WDR75: variants seen among roughly 807,000 people sequenced by gnomAD.
WDR75 encodes the protein WD repeat domain 75, also known as WD repeat-containing protein 75.
In WDR75, 52 loss-of-function variants were observed where a neutral mutation model predicts 106.1. The observed-to-expected ratio is 0.49, with a 90% CI of 0.39 to 0.62. WDR75 has a LOEUF of 0.62. Among genes scored for constraint, WDR75 ranks in the 20% least tolerant of loss-of-function variants. The pLI is 0.00. For synonymous variants in WDR75, 333 were observed against 335.5 expected (o/e 0.99, Z 0.08); for missense variants, 905 against 970.3 (o/e 0.93, Z 0.89).
chr2:189,462,819 A>G (rs1686924935), intron 9 of WDR75, among the ~76,000 whole-genome samples, 177 bp downstream of exon 9: 1 of 152,180 alleles, frequency 6.6e-6, no homozygotes, highest in Non-Finnish European at 1.5e-5. Flanking sequence ...AGGCACCACC[A>G]GAATTCAACA....
chr2:189,462,631 A>T lies in WDR75; in HGVS notation c.926A>T (p.His309Leu). 1 of 1,613,566 alleles carries T rather than the reference A, an allele frequency of 6.2e-7. No homozygotes were observed. The highest frequency in any genetic ancestry group is 8.5e-7 in the Non-Finnish European group (1 of 1,179,766). Residue 309 changes from histidine (H) to leucine (L), a missense_variant, in exon 9 of 21, where the codon CAC becomes CTC. By Grantham distance (99) the His-to-Leu change is moderately conservative (BLOSUM62 -3). Coordinates refer to ENST00000314761, the MANE Select transcript of WDR75 (RefSeq NM_032168.3). ...SPAGDLFCTSHSDNKIIIIHR... is the reference protein window; with the variant it reads ...SPAGDLFCTSLSDNKIIIIHR... Reference sequence around the variant, plus strand: ...GCAGGAGATTTATTCTGCACTTCTCACTCTGATAATAGTAAGTCTAAATTT... The same window carrying T: ...GCAGGAGATTTATTCTGCACTTCTCTCTCTGATAATAGTAAGTCTAAATTT...
In WDR75 at chr2:189,474,624, A is replaced by G. The variant is rs950926572; in HGVS notation, c.2197-93A>G. ...TTTTCATGTTTCACTCTTGGCATTT[A>G]CAATAAAAGGGACTCCGTGAGGACA... On this transcript the variant is annotated intron_variant, in intron 19 of 20. Coordinates refer to ENST00000314761, the MANE Select transcript of WDR75 (RefSeq NM_032168.3). 1.3e-5 allele frequency: 14 copies of G among 1,116,238 alleles called. No individual in the cohort carries two copies. In the Admixed American group the frequency reaches 2.5e-4, roughly 20 times the overall value. The allele number at this position is 1,116,238 out of a possible 1,614,324, so 69.1% of individuals were successfully genotyped here. A position where few individuals can be genotyped will look rare whatever the true frequency, so the allele number is the denominator to read the frequency against.
At chr2:189,445,410 C>T (rs1405702479) in intron 1 of WDR75, among the ~76,000 whole-genome samples, 3 of 151,996 alleles carry the variant, frequency 2.0e-5, no homozygotes, top group African/African-American at 4.8e-5. Flanking sequence ...AGCCCACCGT[C>T]GTGTAGAAGC....
intron 11 of WDR75, 191 bp downstream of exon 11, chr2:189,464,152 G>A: frequency 1.7e-6 from 1 of 587,238 alleles, no homozygotes; most frequent in South Asian, 2.2e-5. Flanking sequence ...CAGGTTACAT[G>A]TAAGCCAGTT....
intron 2 of WDR75, chr2:189,449,810 A>G (rs1365614691): frequency 5.1e-6 from 5 of 984,180 alleles, no homozygotes; most frequent in East Asian, 2.3e-4. Context: ...GATAGATAAT[A>G]TGGTTTTACT....
rs763603839 is a variant in WDR75, at chr2:189,474,731, A to G, written c.2211A>G (p.Pro737=). The change falls in exon 20 of 21, where the codon CCA becomes CCG. Residue 737 remains proline, a synonymous_variant. Transcript: ENST00000314761. ...TTTGACTCCAGCTTCTTCACACTCC[A>G]GCCCATGTCCTGCCATCTGCTGCTT... ...IPAISELLHT[P]AHVLPSAAFL... is the part of the protein sequence containing the mutation. 3.1e-6 allele frequency: 5 copies of G among 1,614,060 alleles called. No individual in the cohort carries two copies. The South Asian group carries it at 5.5e-5, about 18-fold the overall frequency.
Position 189,462,485 on chromosome 2 carries a change from C to A in WDR75, c.780C>A (p.Gly260=). Residue 260 remains glycine (G), a splice_region_variant and synonymous_variant, in exon 9 of 21, where the codon GGC becomes GGA. Transcript: ENST00000314761. The stretch of plus-strand genomic sequence containing the variant: ...TAATTTCCTTGAATGGATATGAAGG[C>A]ACCAGTCTGCTGAGTGGCGGTCGTG... ...MVMDLAFSVT[G]TSLLSGGRES... The A allele has an allele frequency of 6.2e-7, 1 of 1,613,534 alleles. No homozygotes were observed. Among genetic ancestry groups the A allele is most frequent in the Admixed American group, 1.7e-5 (1 of 59,962 alleles).
At position 189,449,630 on chromosome 2, in the gene WDR75, A is replaced by G. The variant is rs541513687; in HGVS notation, c.216+1122A>G. 2.7e-4 allele frequency: 277 copies of G among 1,036,598 alleles called. No individual in the cohort carries two copies. In the African/African-American group the frequency reaches 4.5e-3, roughly 17 times the overall value. The allele number at this position is 1,036,598 out of a possible 1,614,324, so 64.2% of individuals were successfully genotyped here. A position where few individuals can be genotyped will look rare whatever the true frequency, so the allele number is the denominator to read the frequency against. On this transcript the variant is annotated intron_variant, in intron 2 of 20. Coordinates refer to ENST00000314761, the MANE Select transcript of WDR75 (RefSeq NM_032168.3). ...AGGGCAGTTTTATCAGATTTGGTTG[A>G]GGTGCAGGGGCAGCAGTTCTGGACT... is the stretch of plus-strand genomic sequence containing the variant.
At chr2:189,453,993 G>T (rs72916208) in intron 4 of WDR75, among the ~76,000 whole-genome samples, 115 of 152,248 alleles carry the variant, frequency 7.6e-4, no homozygotes, top group Non-Finnish European at 1.3e-3. Flanking sequence ...AGCACCCACC[G>T]TGTGCTAAAT....
intron 2 of WDR75, chr2:189,448,842 GT>G: frequency 2.1e-6 from 1 of 479,156 alleles, no homozygotes; most frequent in East Asian, 6.7e-5. Flanking sequence ...GAGGTATGTA[GT>G]TTTTGGTGTT....
chr2:189,454,239 T>C (rs1411859226), intron 4 of WDR75, among the ~76,000 whole-genome samples: 2 of 152,182 alleles, frequency 1.3e-5, no homozygotes, highest in Non-Finnish European at 2.9e-5. Context: ...TTTAGCATCG[T>C]AGGCTATTGG....
chr2:189,470,809 C>T lies in WDR75; in HGVS notation c.1990-10C>T. On this transcript the variant is annotated splice_polypyrimidine_tract_variant and intron_variant, in intron 17 of 20. Coordinates refer to ENST00000314761, the MANE Select transcript of WDR75 (RefSeq NM_032168.3). ...GTTTGTCTTTTGCATCATTAATTCT[C>T]TCTTTTCAGAGTTTATTGACATTCA... 6.3e-7 allele frequency: 1 copy of T among 1,579,180 alleles called. No individual in the cohort carries two copies. Among genetic ancestry groups the T allele is most frequent in the Admixed American group, 1.9e-5 (1 of 53,600 alleles).
intron 8 of WDR75, among the ~76,000 whole-genome samples, chr2:189,459,690 T>C (rs750635412): frequency 1.5e-4 from 23 of 152,210 alleles, no homozygotes; most frequent in African/African-American, 1.9e-4. Context: ...TTTTTGAAGG[T>C]ATATCTGTCT....
intron 4 of WDR75, among the ~76,000 whole-genome samples, chr2:189,454,207 A>G (rs1686686076): frequency 6.6e-6 from 1 of 152,196 alleles, no homozygotes; most frequent in Non-Finnish European, 1.5e-5. Context: ...GGTGGAAGTG[A>G]GCCAGTGGAG....
chr2:189,470,909 T>G, intron 18 of WDR75, 31 bp downstream of exon 18: 1 of 1,539,778 alleles, frequency 6.5e-7, no homozygotes, highest in Non-Finnish European at 8.8e-7. Context: ...GCAGGATGTA[T>G]TGCCTCCCTA....
intron 2 of WDR75, chr2:189,448,898 A>G: frequency 2.1e-6 from 1 of 471,340 alleles, no homozygotes; most frequent in South Asian, 1.6e-5. Flanking sequence ...TCTGGAACAC[A>G]TTTTGAAAAA....
chr2:189,475,426 G>A lies in WDR75; in HGVS notation c.*9G>A. On this transcript the variant is annotated 3_prime_UTR_variant, in exon 21 of 21. Coordinates refer to ENST00000314761, the MANE Select transcript of WDR75 (RefSeq NM_032168.3). ...GGATAGCTGCCCTTTAAGCCTTGGA[G>A]ATGGGGAGGATCCTTGGACTTTGTG... The A allele has an allele frequency of 6.4e-7, 1 of 1,551,850 alleles. No homozygotes were observed. The highest frequency in any genetic ancestry group is 8.8e-7 in the Non-Finnish European group (1 of 1,136,632).
At chr2:189,452,570 A>T (rs938066930) in intron 4 of WDR75, among the ~76,000 whole-genome samples, 2 of 151,832 alleles carry the variant, frequency 1.3e-5, no homozygotes, top group African/African-American at 4.9e-5. Context: ...AAAAAAAAAA[A>T]TTGGTTGATA....
chr2:189,464,963 A>G, intron 11 of WDR75, 116 bp from the exon 12 acceptor site: 1 of 717,294 alleles, frequency 1.4e-6, no homozygotes, highest in South Asian at 3.6e-5. Context: ...AAAATCTATT[A>G]CTATACAGTA....
Sources: allele counts gnomAD v4.1 joint callset (sites outside exome capture counted in the v4.1 genomes callset), GRCh38; gene constraint gnomAD v4.1.1; transcripts MANE v1.5; gene names NCBI Gene and HGNC (gene_info 2026-07-23, HGNC 2026-07-21).